The following TMEM243 variants were observed in gnomAD, a reference collection of about 807,000 sequenced individuals.
TMEM243 encodes MDR1 and mitochondrial taxol resistance associated.
A neutral mutation model predicts 15.0 loss-of-function variants in TMEM243; 20 were observed. The observed-to-expected ratio is 1.33, with a 90% CI of 0.94 to 1.93. The LOEUF (loss-of-function observed/expected upper bound fraction) is 1.93, where lower values mean the gene tolerates loss of function less well. Among genes scored for constraint, TMEM243 ranks in the 30% most tolerant of loss-of-function variants. The pLI, the probability that TMEM243 is intolerant of heterozygous loss-of-function variation, is 0.00. For missense variants in TMEM243, 156 were observed against 142.1 expected (o/e 1.10, Z -0.50); for synonymous variants, 72 against 52.7 (o/e 1.37, Z -1.59).
At position 87,196,540 on chromosome 7, in the gene TMEM243, C is replaced by A; in HGVS notation, c.*96G>T. The A allele has an allele frequency of 8.3e-7, 1 of 1,203,504 alleles. No individual in the cohort carries two copies. Among genetic ancestry groups the A allele is most frequent in the Non-Finnish European group, 1.2e-6 (1 of 850,846 alleles). The allele number at this position is 1,203,504 out of a possible 1,614,324, so 74.6% of individuals were successfully genotyped here. ...AACATGAAAATCATGTATCAGACTTCTGCAGGAGATTCTTCAGCATACCTT... is the reference window on the plus strand; with the variant it reads ...AACATGAAAATCATGTATCAGACTTATGCAGGAGATTCTTCAGCATACCTT... On this transcript the variant is annotated 3_prime_UTR_variant, in exon 4 of 4. Transcript: ENST00000257637.
chr7:87,201,236 G>A (rs1039213530), intron 1 of TMEM243, among the ~76,000 whole-genome samples: 1 of 152,212 alleles, frequency 6.6e-6, no homozygotes, highest in Non-Finnish European at 1.5e-5. Flanking sequence ...GGTATGCAGA[G>A]TTAACTTCAG....
chr7:87,205,552 C>G lies in TMEM243; in HGVS notation c.79-6495G>C, dbSNP rs142350322. 2.4e-3 allele frequency among the ~76,000 whole-genome samples: 358 copies of G among 152,298 alleles called. 3 individuals are homozygous for G. Among genetic ancestry groups the G allele is most frequent in the African/African-American group, 8.0e-3 (334 of 41,552 alleles). Reference sequence around the variant, plus strand: ...GCCAGATACCCTAACTCATCTCCCTCAAGTTCAAAGTTCCACAAATCTCTA... The same window carrying G: ...GCCAGATACCCTAACTCATCTCCCTGAAGTTCAAAGTTCCACAAATCTCTA... On this transcript the variant is annotated intron_variant, in intron 1 of 3. Transcript: ENST00000257637.
chr7:87,214,731 G>A (rs1332349581), intron 1 of TMEM243, among the ~76,000 whole-genome samples: 1 of 152,194 alleles, frequency 6.6e-6, no homozygotes, highest in Non-Finnish European at 1.5e-5. Context: ...GTCTGAAATG[G>A]TTGGGTATCC....
intron 1 of TMEM243, among the ~76,000 whole-genome samples, chr7:87,217,148 CAAGT>C (rs1426991849): frequency 2.0e-5 from 3 of 152,152 alleles, no homozygotes; most frequent in Non-Finnish European, 4.4e-5. Flanking sequence ...TCTCATAAAG[CAAGT>C]AAGATTACAA....
chr7:87,211,683 G>A (rs1478093776), intron 1 of TMEM243, among the ~76,000 whole-genome samples: 1 of 152,180 alleles, frequency 6.6e-6, no homozygotes, highest in African/African-American at 2.4e-5. Context: ...GCTGAATAAA[G>A]AAACCTCAGG....
chr7:87,218,318 G>A (rs1803253492), intron 1 of TMEM243, among the ~76,000 whole-genome samples: 1 of 152,238 alleles, frequency 6.6e-6, no homozygotes, highest in African/African-American at 2.4e-5. Flanking sequence ...CATCTTCCTG[G>A]AGATCGAGTT....
intron 3 of TMEM243, 87 bp from the exon 4 acceptor site, chr7:87,196,845 TCCCC>T (rs1193090486): frequency 3.2e-6 from 3 of 926,186 alleles, no homozygotes; most frequent in Non-Finnish European, 3.2e-6. Context: ...ATTTGTTTAT[TCCCC>T]TAAATGAGAC....
chr7:87,201,673 G>T (rs900678685), intron 1 of TMEM243, among the ~76,000 whole-genome samples: 13 of 152,176 alleles, frequency 8.5e-5, no homozygotes, highest in Non-Finnish European at 1.5e-5. Context: ...GGAGAAAAGT[G>T]AGTAATACAT....
intron 3 of TMEM243, 150 bp from the exon 4 acceptor site, chr7:87,196,908 C>A (rs1299937687): frequency 3.4e-6 from 2 of 586,020 alleles, no homozygotes; most frequent in Admixed American, 6.8e-5. Flanking sequence ...ATCAGTACAG[C>A]CAGAATTTAA....
At chr7:87,209,466 GAGAC>G (rs142297443) in intron 1 of TMEM243, among the ~76,000 whole-genome samples, 5,123 of 150,580 alleles carry the variant, frequency 0.034, 108 homozygotes, top group East Asian at 0.061. Flanking sequence ...CAGACAGAGT[GAGAC>G]AGAGAGTGAG....
At chr7:87,200,565 T>C (rs1172260718) in intron 1 of TMEM243, among the ~76,000 whole-genome samples, 45 of 152,112 alleles carry the variant, frequency 3.0e-4, no homozygotes. Context: ...AGCCAATATA[T>C]CACTAATTGC....
At chr7:87,208,826 G>C (rs1802407685) in intron 1 of TMEM243, among the ~76,000 whole-genome samples, 1 of 152,246 alleles carries the variant, frequency 6.6e-6, no homozygotes, top group South Asian at 2.1e-4. Flanking sequence ...CAAGCCACAT[G>C]TTTTTGAGGG....
At chr7:87,209,671 C>CGAGACACAGTGA (rs1562884989) in intron 1 of TMEM243, among the ~76,000 whole-genome samples, 1 of 24,422 alleles carries the variant, frequency 4.1e-5, no homozygotes, top group Non-Finnish European at 7.7e-5. Flanking sequence ...CGAGAGAGAG[C>CGAGACACAGTGA]GAGAGCGAGA....
intron 3 of TMEM243, among the ~76,000 whole-genome samples, chr7:87,197,199 C>A (rs1205419276): frequency 6.6e-6 from 1 of 152,084 alleles, no homozygotes; most frequent in Non-Finnish European, 1.5e-5. Flanking sequence ...CAGGAAAGCT[C>A]CCAAAGTGGG....
chr7:87,202,788 G>A (rs7781702), intron 1 of TMEM243, among the ~76,000 whole-genome samples: 2,753 of 152,244 alleles, frequency 0.018, 92 homozygotes, highest in African/African-American at 0.061. Context: ...AGCTAGCTTC[G>A]TAACCTCAAA....
Position 87,196,927 on chromosome 7 carries a change from C to CTGAG in TMEM243, c.235-173_235-170dup, listed in dbSNP as rs1370694405. Among the ~76,000 whole-genome samples, 18 of 138,652 alleles carry CTGAG rather than the reference C, an allele frequency of 1.3e-4. No homozygotes were observed. In the East Asian group the frequency reaches 3.2e-3, roughly 25 times the overall value. 91.0% of individuals were successfully genotyped at this position (138,652 alleles called of 152,430 possible). On this transcript the variant is annotated intron_variant, in intron 3 of 3. Coordinates refer to ENST00000257637, the MANE Select transcript of TMEM243 (RefSeq NM_024315.4). ...GTACAGCCAGAATTTAATTCTTACT[C>CTGAG]TGAGTTTCCACATCCAAGATCATAC...
intron 1 of TMEM243, among the ~76,000 whole-genome samples, chr7:87,209,684 C>CGAGACACAGTGAG (rs1554365987): frequency 4.1e-5 from 3 of 73,288 alleles, no homozygotes; most frequent in Non-Finnish European, 8.9e-5. Flanking sequence ...GAGCGAGACA[C>CGAGACACAGTGAG]AGCGAGAGAG....
rs139105892 is a variant in TMEM243 at position 87,202,629 on chromosome 7, G to A, written c.79-3572C>T. Among the ~76,000 whole-genome samples, 60 of 152,218 alleles carry A rather than the reference G, an allele frequency of 3.9e-4. No individual in the cohort carries two copies. The East Asian group carries it at 9.9e-3, about 25-fold the overall frequency. ...AAGACTGACTTGCCAAAGGTCACACGGCTAGGTAATGGCAAAAAATCTCCT... is the reference window on the plus strand; with the variant it reads ...AAGACTGACTTGCCAAAGGTCACACAGCTAGGTAATGGCAAAAAATCTCCT... On this transcript the variant is annotated intron_variant, in intron 1 of 3. Transcript: ENST00000257637.
chr7:87,199,221 A>G, intron 1 of TMEM243, 164 bp from the exon 2 acceptor site: 1 of 519,496 alleles, frequency 1.9e-6, no homozygotes, highest in Non-Finnish European at 3.3e-6. Flanking sequence ...ACTGAACCAT[A>G]AGAGTGGAAA....
Sources: gnomAD v4.1 joint callset for allele counts (sites outside exome capture counted in the v4.1 genomes callset) on GRCh38, gnomAD v4.1.1 for gene constraint, MANE v1.5 for transcripts, NCBI Gene and HGNC (gene_info 2026-07-23, HGNC 2026-07-21) for gene names.